CFAP43: variants seen among roughly 807,000 people sequenced by gnomAD.
CFAP43 encodes the protein cilia and flagella associated protein 43, also known as cilia- and flagella-associated protein 43.
A neutral mutation model predicts 218.9 loss-of-function variants in CFAP43; 155 were observed. The observed-to-expected ratio is 0.71, with a 90% CI of 0.62 to 0.81. CFAP43 has a LOEUF of 0.81. Among genes scored for constraint, CFAP43 ranks in the 30% least tolerant of loss-of-function variants. The probability of loss-of-function intolerance (pLI) is 0.00; values close to 1 mark genes in which losing one functional copy is unlikely to be tolerated. For synonymous variants in CFAP43, 645 were observed against 681.3 expected (o/e 0.95, Z 0.83); for missense variants, 1,778 against 1,954.3 (o/e 0.91, Z 1.70).
chr10:104,176,140 C>T (rs1159226631), intron 19 of CFAP43, among the ~76,000 whole-genome samples: 1 of 152,046 alleles, frequency 6.6e-6, no homozygotes, highest in African/African-American at 2.4e-5. Context: ...ATTAAAATAG[C>T]TTGGTATTGG....
At chr10:104,170,674 C>T (rs774681950) in intron 20 of CFAP43, among the ~76,000 whole-genome samples, 7 of 152,018 alleles carry the variant, frequency 4.6e-5, no homozygotes, top group African/African-American at 7.3e-5. Context: ...TTTTCAAGTG[C>T]GGCAAACTAT....
intron 17 of CFAP43, among the ~76,000 whole-genome samples, chr10:104,182,114 T>C (rs996310891): frequency 6.6e-6 from 1 of 151,830 alleles, no homozygotes; most frequent in Non-Finnish European, 1.5e-5. Context: ...GGGTAGAAGA[T>C]TTTTTTTTCC....
intron 21 of CFAP43, 91 bp downstream of exon 21, chr10:104,168,653 G>A: frequency 9.5e-7 from 1 of 1,057,702 alleles, no homozygotes; most frequent in Admixed American, 1.8e-5. Context: ...GCTTTGCTAT[G>A]CCTGAATTTT....
intron 2 of CFAP43, 123 bp from the exon 3 acceptor site, chr10:104,225,680 A>G: frequency 1.3e-6 from 1 of 754,542 alleles, no homozygotes; most frequent in East Asian, 3.0e-5. Context: ...TTTAACTATT[A>G]GAATAAGAAA....
intron 3 of CFAP43, among the ~76,000 whole-genome samples, chr10:104,220,521 A>G (rs566097846): frequency 6.6e-6 from 1 of 152,340 alleles, no homozygotes; most frequent in South Asian, 2.1e-4. Context: ...AAATGAGTTT[A>G]AAGCCCACTC....
intron 5 of CFAP43, among the ~76,000 whole-genome samples, chr10:104,211,602 C>G (rs537933936): frequency 1.3e-5 from 2 of 152,134 alleles, no homozygotes; most frequent in Admixed American, 6.5e-5. Flanking sequence ...CCCTTGCACC[C>G]TTTCTCTCTT....
Position 104,136,766 on chromosome 10 carries a change from A to G in CFAP43, c.4432-2982T>C, listed in dbSNP as rs567543406. On this transcript the variant is annotated intron_variant, in intron 34 of 37. Transcript: ENST00000357060. ...GTTTAATGTCCAGAACATATAAAAA[A>G]CTCCTATAACTCAACAACAAAACCT... 2.0e-5 allele frequency among the ~76,000 whole-genome samples: 3 copies of G among 152,154 alleles called. No homozygotes were observed. The East Asian group carries it at 5.8e-4, about 29-fold the overall frequency.
At chr10:104,154,830 C>G (rs911836343) in intron 27 of CFAP43, among the ~76,000 whole-genome samples, 2 of 152,230 alleles carry the variant, frequency 1.3e-5, no homozygotes, top group Non-Finnish European at 2.9e-5. Flanking sequence ...ATTTCCCACT[C>G]TTCGGCCTCT....
At position 104,147,943 on chromosome 10, in the gene CFAP43, C is replaced by T. The variant is rs1356200767; in HGVS notation, c.3716G>A (p.Ser1239Asn). The change falls in exon 29 of 38, where the codon AGC (serine) becomes AAC (asparagine). Residue 1239 changes from serine (S) to asparagine (N), a missense_variant. Physicochemically the swap from Ser to Asn is conservative, Grantham distance 46 (BLOSUM62 1). Around this residue, in one of 3 missense-constraint regions of CFAP43, gnomAD observed 1,553 missense variants for 1,685.2 expected, o/e 0.92. Transcript: ENST00000357060. ...AFSLLLDEEL[S>N]SREKFLNNYL... The stretch of plus-strand genomic sequence containing the variant: ...GTTGTTCAGGAATTTTTCTCTAGAG[C>T]TTAATTCTTCATCCAACAATAAAGA... 3.1e-6 allele frequency: 5 copies of T among 1,603,378 alleles called. No homozygotes were observed. The highest frequency in any genetic ancestry group is 4.3e-6 in the Non-Finnish European group (5 of 1,174,602).
At chr10:104,184,428 G>C (rs2089962727) in intron 16 of CFAP43, among the ~76,000 whole-genome samples, 1 of 151,652 alleles carries the variant, frequency 6.6e-6, no homozygotes, top group Non-Finnish European at 1.5e-5. Flanking sequence ...ATGAGAGATA[G>C]GACTGATCAC....
chr10:104,137,504 A>G (rs1159127034), intron 34 of CFAP43, among the ~76,000 whole-genome samples: 1 of 152,072 alleles, frequency 6.6e-6, no homozygotes, highest in African/African-American at 2.4e-5. Flanking sequence ...GTTTCCTTTT[A>G]GGATGATAAA....
chr10:104,185,648 A>G (rs1288853426), intron 15 of CFAP43, among the ~76,000 whole-genome samples: 1 of 152,234 alleles, frequency 6.6e-6, no homozygotes, highest in Non-Finnish European at 1.5e-5. Context: ...TGCATCATCA[A>G]TTTGGTATAT....
Position 104,167,641 on chromosome 10 carries a change from T to C in CFAP43, c.2788A>G (p.Ile930Val). ...ELERVLQQKK[I>V]EAECLKLRKE... ...AGTACTTTAAGACACTCTGCTTCAA[T>C]CTTCTTTTGCTGTAAAACTCTTTCC... Residue 930 changes from isoleucine (I) to valine (V), a missense_variant, in exon 22 of 38, where the codon ATT becomes GTT. By Grantham distance (29) the Ile-to-Val change is conservative. Transcript: ENST00000357060. 6.2e-7 allele frequency: 1 copy of C among 1,609,936 alleles called. No homozygotes were observed. Among genetic ancestry groups the C allele is most frequent in the Non-Finnish European group, 8.5e-7 (1 of 1,178,934 alleles).
At chr10:104,192,474 A>G in intron 11 of CFAP43, 172 bp from the exon 12 acceptor site, 1 of 590,246 alleles carries the variant, frequency 1.7e-6, no homozygotes, top group South Asian at 2.1e-5. Context: ...GGATATAATC[A>G]TTGTACTTTA....
intron 3 of CFAP43, among the ~76,000 whole-genome samples, chr10:104,219,668 C>G (rs546772306): frequency 2.0e-5 from 3 of 152,272 alleles, no homozygotes; most frequent in South Asian, 4.2e-4. Flanking sequence ...CTCTTTCACT[C>G]TCAAAAGCAT....
At chr10:104,184,987 T>C in intron 16 of CFAP43, 29 bp downstream of exon 16, 3 of 1,611,580 alleles carry the variant, frequency 1.9e-6, no homozygotes, top group Non-Finnish European at 2.5e-6. Context: ...CTATACTACA[T>C]GGGGTTACTT....
intron 18 of CFAP43, 86 bp from the exon 19 acceptor site, chr10:104,179,192 GAAAC>G: frequency 8.7e-7 from 1 of 1,143,122 alleles, no homozygotes; most frequent in Non-Finnish European, 1.3e-6. Flanking sequence ...CAATTCTCTA[GAAAC>G]AGAAACTAAA....
intron 3 of CFAP43, among the ~76,000 whole-genome samples, chr10:104,220,253 C>T (rs500144): frequency 0.21 from 32,360 of 152,120 alleles, 3,529 homozygotes; most frequent in South Asian, 0.24. Flanking sequence ...GGAACCAACC[C>T]TGCTGAGACC....
chr10:104,142,598 A>C (rs890966104), intron 32 of CFAP43, among the ~76,000 whole-genome samples: 8 of 152,238 alleles, frequency 5.3e-5, no homozygotes, highest in African/African-American at 1.9e-4. Context: ...TTCTTGGTGA[A>C]AATCAAGTAT....
Sources: gnomAD v4.1 joint callset for allele counts (sites outside exome capture counted in the v4.1 genomes callset) on GRCh38, gnomAD v4.1.1 for gene constraint, gnomAD v4.1.1 regional missense constraint, MANE v1.5 for transcripts, NCBI Gene and HGNC (gene_info 2026-07-23, HGNC 2026-07-21) for gene names.